AGPAT3: variants seen among roughly 807,000 people sequenced by gnomAD.
AGPAT3 encodes 1-acyl-sn-glycerol-3-phosphate acyltransferase gamma.
AGPAT3 carries 5 observed loss-of-function variants against 47.3 expected under a neutral mutation model. The observed-to-expected ratio is 0.11, with a 90% CI of 0.06 to 0.22. AGPAT3 has a LOEUF of 0.22. Ranked by LOEUF, AGPAT3 falls within the 10% of genes least tolerant of loss-of-function variation. AGPAT3 has a pLI of 1.00. For synonymous variants in AGPAT3, 212 were observed against 208.3 expected, an observed-to-expected ratio of 1.02 and a Z score of -0.15; for missense variants, 315 against 493.0, an observed-to-expected ratio of 0.64 and a Z score of 3.42.
Position 43,981,423 on chromosome 21 carries a change from G to A in AGPAT3, c.1042+236G>A. On this transcript the variant is annotated intron_variant, in intron 9 of 9. Transcript: ENST00000291572. The surrounding 1 kb of genome is among the most constrained non-coding windows in gnomAD (Gnocchi z 5.3). ...GCCGCCACCTGGCGCCATCCCCACTGCAGCCCCACTGGCTGGCGCCCTTGA... is the reference window on the plus strand; with the variant it reads ...GCCGCCACCTGGCGCCATCCCCACTACAGCCCCACTGGCTGGCGCCCTTGA... 2 of 580,276 alleles carry A rather than the reference G, an allele frequency of 3.4e-6. No individual in the cohort carries two copies. The highest frequency in any genetic ancestry group is 3.0e-5 in the Admixed American group (1 of 33,252). The allele number at this position is 580,276 out of a possible 1,614,324, so 35.9% of individuals were successfully genotyped here. A position where few individuals can be genotyped will look rare whatever the true frequency, so the allele number is the denominator to read the frequency against.
chr21:43,918,680 G>A (rs1056432047), intron 2 of AGPAT3, among the ~76,000 whole-genome samples: 4 of 151,268 alleles, frequency 2.6e-5, no homozygotes, highest in East Asian at 2.0e-4. Flanking sequence ...TCCGTCTCCC[G>A]GGTTCCAGTG....
rs539025048 is a variant in AGPAT3, at chr21:43,928,058, C to T, written c.-49+24039C>T. The stretch of plus-strand genomic sequence containing the variant: ...AGGGCTGACGTGGCACCTGCTGCCC[C>T]GTGCCCTGGGAAGCTGAACCAGCCG... On this transcript the variant is annotated intron_variant, in intron 2 of 9. Coordinates refer to ENST00000291572, the MANE Select transcript of AGPAT3 (RefSeq NM_020132.5). Among the ~76,000 whole-genome samples, 7 of 152,342 alleles carry T rather than the reference C, an allele frequency of 4.6e-5. No individual in the cohort carries two copies. The South Asian group carries it at 8.3e-4, about 18-fold the overall frequency.
chr21:43,913,764 G>A (rs2086674880), intron 2 of AGPAT3, among the ~76,000 whole-genome samples: 1 of 152,142 alleles, frequency 6.6e-6, no homozygotes, highest in Admixed American at 6.5e-5. Flanking sequence ...GACCAGGGAG[G>A]CTGCTGAATC....
At chr21:43,951,670 TCTC>T (rs531439120) in intron 2 of AGPAT3, among the ~76,000 whole-genome samples, 7 of 152,152 alleles carry the variant, frequency 4.6e-5, no homozygotes, top group Admixed American at 1.3e-4. Context: ...GGCTGTGCCA[TCTC>T]CTCTGGGGGA....
At position 43,887,251 on chromosome 21, in the gene AGPAT3, T is replaced by G. The variant is rs530417551; in HGVS notation, c.-111-16706T>G. 2.0e-5 allele frequency among the ~76,000 whole-genome samples: 3 copies of G among 152,304 alleles called. No homozygotes were observed. In the South Asian group the frequency reaches 6.2e-4, roughly 32 times the overall value. On this transcript the variant is annotated intron_variant, in intron 1 of 9. Transcript: ENST00000291572. ...CTGCAATGGCCCCAAGCCTGAAATA[T>G]TCACCATCTTCCTGCCCAGAAGCAG...
chr21:43,902,116 A>G (rs904904690), intron 1 of AGPAT3, among the ~76,000 whole-genome samples: 2 of 152,212 alleles, frequency 1.3e-5, no homozygotes, highest in African/African-American at 4.8e-5. Flanking sequence ...AATACACACC[A>G]TCATCCAATT....
At chr21:43,962,287 C>T (rs2088912905) in intron 3 of AGPAT3, among the ~76,000 whole-genome samples, 2 of 152,150 alleles carry the variant, frequency 1.3e-5, no homozygotes, top group South Asian at 2.1e-4. Flanking sequence ...CAGGCGTGAG[C>T]CACCGCGCCC....
intron 1 of AGPAT3, among the ~76,000 whole-genome samples, chr21:43,871,956 G>A (rs1305577215): frequency 6.6e-6 from 1 of 152,030 alleles, no homozygotes; most frequent in Non-Finnish European, 1.5e-5. Flanking sequence ...GTTACTTTAA[G>A]TTCTTCCCAA....
At position 43,978,140 on chromosome 21, in the gene AGPAT3, C is replaced by T. The variant is rs753382243; in HGVS notation, c.843+19C>T. On this transcript the variant is annotated intron_variant, in intron 8 of 9. Coordinates refer to ENST00000291572, the MANE Select transcript of AGPAT3 (RefSeq NM_020132.5). ...GGAGAAGGTAAGCAGGCTCTGCTCC[C>T]GCTCAGGGTCCCGGTCTCCTGAAGA... 2.2e-5 allele frequency: 35 copies of T among 1,609,016 alleles called. No individual in the cohort carries two copies. The highest frequency in any genetic ancestry group is 1.6e-4 in the East Asian group (7 of 44,864).
chr21:43,890,802 A>G (rs774162648), intron 1 of AGPAT3, among the ~76,000 whole-genome samples: 4 of 151,576 alleles, frequency 2.6e-5, no homozygotes, highest in Non-Finnish European at 4.4e-5. Context: ...CAGTGGCACA[A>G]TCTCACCTCA....
intron 2 of AGPAT3, among the ~76,000 whole-genome samples, chr21:43,941,189 G>A (rs962609944): frequency 1.3e-5 from 2 of 152,202 alleles, no homozygotes; most frequent in Non-Finnish European, 2.9e-5. Context: ...AGAGACCACA[G>A]CTCCCCTGGA....
intron 1 of AGPAT3, among the ~76,000 whole-genome samples, chr21:43,871,669 T>C (rs1259991930): frequency 6.6e-6 from 1 of 152,232 alleles, no homozygotes; most frequent in African/African-American, 2.4e-5. Context: ...TGCATATTTA[T>C]TGGTTATGTG....
In AGPAT3 at chr21:43,880,439, G is replaced by T. The variant is rs1036858029; in HGVS notation, c.-112+15094G>T. Among the ~76,000 whole-genome samples the T allele has an allele frequency of 5.3e-5, 8 of 152,234 alleles. No individual in the cohort carries two copies. The highest frequency in any genetic ancestry group is 1.9e-4 in the African/African-American group (8 of 41,472). Reference sequence around the variant, plus strand: ...CGAGGGCTGCCTTTGTAAGTCACTGGCAGGAAGATGGGAAAGGTGCTCTGC... The same window carrying T: ...CGAGGGCTGCCTTTGTAAGTCACTGTCAGGAAGATGGGAAAGGTGCTCTGC... On this transcript the variant is annotated intron_variant, in intron 1 of 9. Transcript: ENST00000291572. The surrounding 1 kb of genome is among the most constrained non-coding windows in gnomAD (Gnocchi z 4.5).
chr21:43,964,481 CGCCCA>C (rs2089029352), intron 3 of AGPAT3, among the ~76,000 whole-genome samples: 1 of 151,888 alleles, frequency 6.6e-6, no homozygotes, highest in Non-Finnish European at 1.5e-5. Flanking sequence ...CAGGCGGGAG[CGCCCA>C]GCCCAGGTTC....
chr21:43,985,546 A>G lies in AGPAT3; in HGVS notation c.*3154A>G. The stretch of plus-strand genomic sequence containing the variant: ...GAGCATTGATGTTGATTTGAAGGAA[A>G]AGCCGTGGTTGGACCCAGCTGTGTG... On this transcript the variant is annotated 3_prime_UTR_variant, in exon 10 of 10. Transcript: ENST00000291572. The G allele has an allele frequency of 3.7e-6, 1 of 267,614 alleles. No homozygotes were observed. The highest frequency in any genetic ancestry group is 7.3e-6 in the Non-Finnish European group (1 of 136,328). 16.6% of individuals were successfully genotyped at this position (267,614 alleles called of 1,614,324 possible).
intron 1 of AGPAT3, among the ~76,000 whole-genome samples, chr21:43,895,509 A>ATTTTTTTTTTTTT (rs10716158): frequency 8.2e-6 from 1 of 122,284 alleles, no homozygotes; most frequent in African/African-American, 3.1e-5. Context: ...TAGTGACAGG[A>ATTTTTTTTTTTTT]TTTTTTTTTT....
At chr21:43,898,116 A>T (rs2086270877) in intron 1 of AGPAT3, among the ~76,000 whole-genome samples, 1 of 152,224 alleles carries the variant, frequency 6.6e-6, no homozygotes, top group Non-Finnish European at 1.5e-5. Flanking sequence ...GGAGACCGAA[A>T]AAAGAAAGAA....
At chr21:43,929,247 G>A (rs1050870393) in intron 2 of AGPAT3, among the ~76,000 whole-genome samples, 20 of 152,330 alleles carry the variant, frequency 1.3e-4, no homozygotes, top group South Asian at 2.1e-4. Context: ...AGATGGTTCC[G>A]ACAGGCTCCA....
chr21:43,977,803 CT>C (rs2089675745), intron 7 of AGPAT3, among the ~76,000 whole-genome samples: 1 of 151,870 alleles, frequency 6.6e-6, no homozygotes, highest in South Asian at 2.1e-4. Flanking sequence ...AGGAGAATCA[CT>C]TGAATCCGGG....
Sources: gnomAD v4.1 joint callset for allele counts (sites outside exome capture counted in the v4.1 genomes callset) on GRCh38, gnomAD v4.1.1 for gene constraint, Gnocchi (gnomAD v3.1) non-coding constraint, MANE v1.5 for transcripts, NCBI Gene and HGNC (gene_info 2026-07-23, HGNC 2026-07-21) for gene names.